The following ZNF438 variants were observed in gnomAD, a reference collection of about 807,000 sequenced individuals.
ZNF438 encodes zinc finger protein 438.
A neutral mutation model predicts 38.0 loss-of-function variants in ZNF438; 25 were observed. That is an observed-to-expected ratio of 0.66 (90% confidence interval 0.48 to 0.92). The LOEUF (loss-of-function observed/expected upper bound fraction) is 0.92, where lower values mean the gene tolerates loss of function less well. Ranked by LOEUF, ZNF438 falls within the 40% of genes least tolerant of loss-of-function variation. ZNF438 has a pLI of 0.00. For synonymous variants in ZNF438, 372 were observed against 364.1 expected (o/e 1.02, Z -0.25); for missense variants, 1,007 against 999.6 (o/e 1.01, Z -0.10).
intron 1 of ZNF438, among the ~76,000 whole-genome samples, chr10:30,959,944 T>C (rs952873861): frequency 4.1e-5 from 6 of 147,396 alleles, no homozygotes; most frequent in African/African-American, 1.5e-4. Context: ...AGACACTATA[T>C]ACTGTCTTTT....
At chr10:30,872,168 G>C (rs2037522915) in intron 4 of ZNF438, among the ~76,000 whole-genome samples, 1 of 151,964 alleles carries the variant, frequency 6.6e-6, no homozygotes, top group Non-Finnish European at 1.5e-5. Context: ...GGCTGAGGTG[G>C]GCGGATTACA....
At chr10:30,867,659 A>G (rs1428049779) in intron 4 of ZNF438, among the ~76,000 whole-genome samples, 2 of 152,194 alleles carry the variant, frequency 1.3e-5, no homozygotes, top group African/African-American at 2.4e-5. Flanking sequence ...TGTGTTGATG[A>G]GTACGAGTGG....
At chr10:30,978,305 G>A (rs1231593850) in intron 1 of ZNF438, among the ~76,000 whole-genome samples, 1 of 152,044 alleles carries the variant, frequency 6.6e-6, no homozygotes, top group Admixed American at 6.6e-5. Flanking sequence ...TATTCTTTAT[G>A]TATATTGTAT....
chr10:30,853,433 T>C (rs1056104839), intron 4 of ZNF438, among the ~76,000 whole-genome samples: 2 of 152,174 alleles, frequency 1.3e-5, no homozygotes, highest in African/African-American at 2.4e-5. Context: ...TTTCCTCTAC[T>C]TGCTCCACTC....
intron 2 of ZNF438, among the ~76,000 whole-genome samples, chr10:30,940,903 G>T (rs1193484522): frequency 6.6e-6 from 1 of 151,652 alleles, no homozygotes; most frequent in African/African-American, 2.4e-5. Context: ...TAGAAAAGTT[G>T]TATAAAGCCT....
At chr10:30,935,935 T>A (rs567059145) in intron 2 of ZNF438, among the ~76,000 whole-genome samples, 3 of 152,222 alleles carry the variant, frequency 2.0e-5, no homozygotes, top group South Asian at 4.2e-4. Context: ...ATTACGAGTA[T>A]TACAATTCAA....
intron 1 of ZNF438, among the ~76,000 whole-genome samples, chr10:31,027,147 C>T (rs12356123): frequency 6.6e-6 from 1 of 151,768 alleles, no homozygotes; most frequent in Non-Finnish European, 1.5e-5. Context: ...ATGTAAATGA[C>T]GAGTTAATGG....
chr10:30,845,818 C>A (rs562909779), intron 5 of ZNF438, among the ~76,000 whole-genome samples: 1 of 152,228 alleles, frequency 6.6e-6, no homozygotes, highest in East Asian at 1.9e-4. Flanking sequence ...GTCCTCTTCA[C>A]GCATCTGTCC....
chr10:30,942,473 T>C (rs1235476872), intron 1 of ZNF438, among the ~76,000 whole-genome samples: 2 of 152,158 alleles, frequency 1.3e-5, no homozygotes, highest in Non-Finnish European at 2.9e-5. Context: ...AGTAAAAAGT[T>C]TAAAATTCTC....
intron 4 of ZNF438, among the ~76,000 whole-genome samples, chr10:30,860,305 T>C (rs1338444793): frequency 6.6e-6 from 1 of 152,208 alleles, no homozygotes; most frequent in Admixed American, 6.5e-5. Flanking sequence ...GACATCCCTT[T>C]TGTTCAATTA....
intron 2 of ZNF438, among the ~76,000 whole-genome samples, chr10:30,924,510 C>T (rs2044691084): frequency 6.6e-6 from 1 of 152,236 alleles, no homozygotes; most frequent in South Asian, 2.1e-4. Context: ...AAGGTCATTT[C>T]CTGAGAAAGG....
intron 2 of ZNF438, among the ~76,000 whole-genome samples, chr10:30,923,570 C>G (rs568494924): frequency 6.6e-6 from 1 of 152,292 alleles, no homozygotes; most frequent in Admixed American, 6.5e-5. Flanking sequence ...AAAGCTGTTA[C>G]GCGCACCCTT....
intron 1 of ZNF438, among the ~76,000 whole-genome samples, chr10:30,966,441 C>G (rs1366104251): frequency 6.6e-6 from 1 of 151,962 alleles, no homozygotes; most frequent in Non-Finnish European, 1.5e-5. Flanking sequence ...AAGGCCGAGG[C>G]GGGTGGATCA....
chr10:31,015,366 G>A (rs144680897), intron 1 of ZNF438, among the ~76,000 whole-genome samples: 16 of 152,236 alleles, frequency 1.1e-4, no homozygotes, highest in Admixed American at 3.9e-4. Context: ...CATTATGGCC[G>A]GACGTGGTGG....
exon 6 of ZNF438, chr10:30,844,659 A>C (rs1226640551): frequency 3.7e-6 from 1 of 267,934 alleles, no homozygotes; most frequent in Non-Finnish European, 7.0e-6. Context: ...GTATTTGAAG[A>C]ACAGCCTATA....
At position 30,960,896 on chromosome 10, in the gene ZNF438, T is replaced by C. The variant is rs551447888; in HGVS notation, c.-191-19245A>G. ...CAACCATTAACGTATTCCCCTAGGA[T>C]TGACTGTAAAATTAAGTTTTCCCAC... On this transcript the variant is annotated intron_variant, in intron 1 of 5. Coordinates refer to ENST00000413025, the Ensembl canonical transcript of ZNF438. Among the ~76,000 whole-genome samples the C allele has an allele frequency of 7.5e-5, 11 of 146,586 alleles. 1 individual carries two copies. The South Asian group carries it at 1.1e-3, about 14-fold the overall frequency.
intron 2 of ZNF438, among the ~76,000 whole-genome samples, chr10:30,938,962 T>C (rs1272351543): frequency 6.6e-6 from 1 of 151,948 alleles, no homozygotes; most frequent in Non-Finnish European, 1.5e-5. Context: ...ACCCGGCTAA[T>C]TTTTTGTATT....
chr10:30,890,083 CAAAAAAAAAA>C (rs71863439), intron 3 of ZNF438, among the ~76,000 whole-genome samples: 123 of 93,394 alleles, frequency 1.3e-3, no homozygotes, highest in African/African-American at 4.2e-3. Context: ...TTGGCATTTC[CAAAAAAAAAA>C]AAAAAAAAAA....
chr10:30,845,773 C>T (rs1042680237), intron 5 of ZNF438, among the ~76,000 whole-genome samples, 200 bp from the exon 7 acceptor site: 1 of 152,222 alleles, frequency 6.6e-6, no homozygotes, highest in Non-Finnish European at 1.5e-5. Context: ...TGTGGCCACA[C>T]ATTTCTCCAG....
Sources: allele counts gnomAD v4.1 joint callset (sites outside exome capture counted in the v4.1 genomes callset), GRCh38; gene constraint gnomAD v4.1.1; transcripts MANE v1.5; gene names NCBI Gene and HGNC (gene_info 2026-07-23, HGNC 2026-07-21).